LPIN2: variants seen among roughly 807,000 people sequenced by gnomAD.
LPIN2 encodes phosphatidate phosphatase LPIN2.
In LPIN2, 55 loss-of-function variants were observed where a neutral mutation model predicts 111.4. That is an observed-to-expected ratio of 0.49 (90% CI 0.40 to 0.62). The LOEUF (loss-of-function observed/expected upper bound fraction) is 0.62, where lower values mean the gene tolerates loss of function less well. Among genes scored for constraint, LPIN2 ranks in the 20% least tolerant of loss-of-function variants. LPIN2 has a pLI of 0.00. For missense variants in LPIN2, 992 were observed against 1,112.1 expected (o/e 0.89, Z 1.54); for synonymous variants, 425 against 414.0 (o/e 1.03, Z -0.32).
At chr18:3,002,763 A>C (rs1007739919) in intron 1 of LPIN2, among the ~76,000 whole-genome samples, 3 of 152,198 alleles carry the variant, frequency 2.0e-5, no homozygotes, top group African/African-American at 7.2e-5. Flanking sequence ...TCTCACATTA[A>C]AAATATAAGC....
chr18:2,983,497 C>A (rs999256314), intron 1 of LPIN2, among the ~76,000 whole-genome samples: 4 of 152,216 alleles, frequency 2.6e-5, no homozygotes, highest in Non-Finnish European at 4.4e-5. Context: ...CGCAAACACA[C>A]AACTCACATG....
chr18:2,922,017 T>C (rs1598519347), intron 17 of LPIN2, 30 bp downstream of exon 17: 5 of 1,602,918 alleles, frequency 3.1e-6, no homozygotes, highest in Non-Finnish European at 3.4e-6. Flanking sequence ...GCTGGGGCGG[T>C]GGGCAGAGGG....
At chr18:2,981,656 A>G (rs2078112450) in intron 1 of LPIN2, among the ~76,000 whole-genome samples, 1 of 152,194 alleles carries the variant, frequency 6.6e-6, no homozygotes, top group Non-Finnish European at 1.5e-5. Context: ...TACAATGTTG[A>G]TTTCAAAAGC....
At chr18:2,926,375 C>A (rs889745768) in intron 13 of LPIN2, among the ~76,000 whole-genome samples, 2 of 152,176 alleles carry the variant, frequency 1.3e-5, no homozygotes, top group African/African-American at 2.4e-5. Flanking sequence ...GGAAAGGAAA[C>A]CCACCCAAGC....
intron 4 of LPIN2, chr18:2,945,943 G>C (rs1470265475): frequency 7.1e-7 from 1 of 1,404,338 alleles, no homozygotes; most frequent in Admixed American, 1.7e-5. Flanking sequence ...ATTAAAATCA[G>C]AAGTTTTTCT....
At chr18:2,926,234 C>T (rs2077128344) in intron 13 of LPIN2, among the ~76,000 whole-genome samples, 1 of 152,180 alleles carries the variant, frequency 6.6e-6, no homozygotes, top group African/African-American at 2.4e-5. Flanking sequence ...AATGAGACAG[C>T]CAAGGGCTGG....
intron 7 of LPIN2, among the ~76,000 whole-genome samples, chr18:2,935,825 A>G (rs1055313179): frequency 6.6e-6 from 1 of 151,858 alleles, no homozygotes; most frequent in Admixed American, 6.6e-5. Context: ...TTGAGGAGAG[A>G]GGGAGGGCAA....
chr18:2,937,646 C>T, intron 7 of LPIN2, 46 bp downstream of exon 7: 1 of 1,481,218 alleles, frequency 6.8e-7, no homozygotes. Flanking sequence ...AAATAATTTA[C>T]CATCTAATTT....
chr18:2,956,323 TG>T (rs2077615539), intron 2 of LPIN2, among the ~76,000 whole-genome samples: 1 of 148,280 alleles, frequency 6.7e-6, no homozygotes, highest in Non-Finnish European at 1.5e-5. Context: ...TGTGTGTGTG[TG>T]TGTGTGTGTG....
intron 1 of LPIN2, among the ~76,000 whole-genome samples, chr18:2,968,541 G>T (rs1022115527): frequency 1.3e-5 from 2 of 151,550 alleles, no homozygotes; most frequent in African/African-American, 2.4e-5. Context: ...TGCTATTTGG[G>T]AGACTGTTAG....
At chr18:2,952,628 T>A (rs2077553615) in intron 3 of LPIN2, among the ~76,000 whole-genome samples, 1 of 152,164 alleles carries the variant, frequency 6.6e-6, no homozygotes, top group Middle Eastern at 3.2e-3. Context: ...ACAGAGAAAT[T>A]GTAATAAGAT....
intron 1 of LPIN2, among the ~76,000 whole-genome samples, chr18:2,975,161 C>T (rs981216366): frequency 3.3e-5 from 5 of 152,226 alleles, no homozygotes; most frequent in African/African-American, 1.2e-4. Context: ...TACCCAGAGA[C>T]ATGACCAGAC....
chr18:2,996,652 T>G (rs1270035172), intron 1 of LPIN2, among the ~76,000 whole-genome samples: 1 of 151,252 alleles, frequency 6.6e-6, no homozygotes, highest in Non-Finnish European at 1.5e-5. Context: ...TAATTTTTTG[T>G]ATTTTTAGTA....
At chr18:2,960,498 TCAA>T in intron 2 of LPIN2, 148 bp downstream of exon 2, 1 of 737,138 alleles carries the variant, frequency 1.4e-6, no homozygotes, top group Non-Finnish European at 2.3e-6. Context: ...TAACATTGTC[TCAA>T]CATCATTCAG....
chr18:2,962,623 A>G (rs532609581), intron 1 of LPIN2, among the ~76,000 whole-genome samples: 10 of 152,332 alleles, frequency 6.6e-5, no homozygotes, highest in African/African-American at 2.4e-4. Flanking sequence ...TTTTGAGGTC[A>G]CTGTAGATTC....
chr18:2,980,887 A>G (rs1484255037), intron 1 of LPIN2, among the ~76,000 whole-genome samples: 1 of 152,204 alleles, frequency 6.6e-6, no homozygotes, highest in Non-Finnish European at 1.5e-5. Context: ...CCTGTAGTAT[A>G]TTCTGCCCTA....
At position 2,921,446 on chromosome 18, in the gene LPIN2, T is replaced by C. The variant is rs2282635; in HGVS notation, c.2442+87A>G. 0.31 allele frequency: 309,163 copies of C among 994,110 alleles called. 51,882 individuals carry two copies. Among genetic ancestry groups the C allele is most frequent in the East Asian group, 0.62 (26,004 of 41,698 alleles). 61.6% of individuals were successfully genotyped at this position (994,110 alleles called of 1,614,324 possible). ...GCCTCATTTTGCTTACAAAACTGCT[T>C]TGAGAATTGGGACGTGGCTACACCC... On this transcript the variant is annotated intron_variant, in intron 18 of 19. Coordinates refer to ENST00000677752, the MANE Select transcript of LPIN2 (RefSeq NM_001375808.2).
chr18:2,988,010 C>G (rs2078211382), intron 1 of LPIN2, among the ~76,000 whole-genome samples: 1 of 72,350 alleles, frequency 1.4e-5, no homozygotes, highest in Non-Finnish European at 2.4e-5. Context: ...GAGAGACTGT[C>G]TCAAAAAAAA....
chr18:2,960,023 AG>A (rs1456378733), intron 2 of LPIN2, among the ~76,000 whole-genome samples: 10 of 151,960 alleles, frequency 6.6e-5, no homozygotes, highest in Non-Finnish European at 1.0e-4. Context: ...ACAAAAAATT[AG>A]GGGGGCATGG....
Sources: allele counts gnomAD v4.1 joint callset (sites outside exome capture counted in the v4.1 genomes callset), GRCh38; gene constraint gnomAD v4.1.1; transcripts MANE v1.5; gene names NCBI Gene and HGNC (gene_info 2026-07-23, HGNC 2026-07-21).